Variants in ABLIM1 observed in about 807,000 individuals in gnomAD.
ABLIM1 encodes actin binding LIM protein 1, also known as actin-binding LIM protein 1.
Under a neutral mutation model 107.0 loss-of-function variants are expected in ABLIM1, and 40 were observed. The observed-to-expected ratio is 0.37, with a 90% CI of 0.29 to 0.49. The LOEUF (loss-of-function observed/expected upper bound fraction) is 0.49, where lower values mean the gene tolerates loss of function less well. Among genes scored for constraint, ABLIM1 ranks in the 20% least tolerant of loss-of-function variants. The pLI is 0.97. For missense variants in ABLIM1, 857 were observed against 1,008.5 expected (o/e 0.85, Z 2.04); for synonymous variants, 357 against 357.3 (o/e 1.00, Z 0.01).
intron 1 of ABLIM1, among the ~76,000 whole-genome samples, chr10:114,623,633 C>G (rs2077607490): frequency 6.6e-6 from 1 of 152,188 alleles, no homozygotes; most frequent in African/African-American, 2.4e-5. Flanking sequence ...TCAAGAACAT[C>G]AACATTATCT....
chr10:114,545,777 A>C (rs2067246069), intron 5 of ABLIM1, among the ~76,000 whole-genome samples: 1 of 151,712 alleles, frequency 6.6e-6, no homozygotes, highest in Non-Finnish European at 1.5e-5. Context: ...AAAAAATACA[A>C]AAATTAGCCA....
At chr10:114,544,780 C>T (rs2067108115) in intron 6 of ABLIM1, among the ~76,000 whole-genome samples, 1 of 152,136 alleles carries the variant, frequency 6.6e-6, no homozygotes, top group Non-Finnish European at 1.5e-5. Context: ...GAACCTTTAT[C>T]ATTCTTTTTT....
intron 7 of ABLIM1, among the ~76,000 whole-genome samples, chr10:114,489,297 G>C (rs955448459): frequency 6.6e-6 from 1 of 152,108 alleles, no homozygotes; most frequent in Non-Finnish European, 1.5e-5. Flanking sequence ...GATTACAGGC[G>C]TGAGCCACCA....
chr10:114,612,851 A>C (rs544589388), intron 1 of ABLIM1, among the ~76,000 whole-genome samples: 226 of 152,364 alleles, frequency 1.5e-3, no homozygotes, highest in African/African-American at 5.2e-3. Flanking sequence ...GTCTATTGTC[A>C]CATGGCCTAG....
chr10:114,654,763 G>A (rs1446877989), intron 1 of ABLIM1, among the ~76,000 whole-genome samples: 2 of 152,196 alleles, frequency 1.3e-5, no homozygotes, highest in Non-Finnish European at 2.9e-5. Flanking sequence ...TGGGGAATCT[G>A]AGCCTCCTCT....
chr10:114,752,813 A>C (rs1393226904), intron 1 of ABLIM1, among the ~76,000 whole-genome samples: 1 of 152,118 alleles, frequency 6.6e-6, no homozygotes, highest in Non-Finnish European at 1.5e-5. Flanking sequence ...GTGTATATGT[A>C]CCACATTGTC....
rs2081863924 is a variant in ABLIM1, at chr10:114,722,243, TACA to T, written c.-213+45815_-213+45817del. Among the ~76,000 whole-genome samples the T allele has an allele frequency of 2.6e-5, 4 of 152,248 alleles. No individual in the cohort carries two copies. The South Asian group carries it at 6.2e-4, about 24-fold the overall frequency. ...ATGGCTGGGGAGGCCTCAGGAAACT[TACA>T]ATTATGGTGGAAGGCAAAGGGGAAG... On this transcript the variant is annotated intron_variant, in intron 1 of 15. Transcript: ENST00000651092.
At chr10:114,445,894 T>C (rs1030169791) in intron 15 of ABLIM1, among the ~76,000 whole-genome samples, 6 of 152,184 alleles carry the variant, frequency 3.9e-5, no homozygotes, top group Non-Finnish European at 8.8e-5. Flanking sequence ...CTCACCCACC[T>C]GGGTAGCTGC....
chr10:114,527,397 ATT>A (rs2064935008), intron 6 of ABLIM1, among the ~76,000 whole-genome samples: 2 of 152,200 alleles, frequency 1.3e-5, no homozygotes, highest in South Asian at 4.1e-4. Flanking sequence ...TTTTTGGTAC[ATT>A]TTGTATTGTG....
In ABLIM1 at chr10:114,473,119, T is replaced by C; in HGVS notation, c.1133A>G (p.Asn378Ser). Residue 378 changes from asparagine (N) to serine (S), a missense_variant, in exon 10 of 23, where the codon AAT becomes AGT. This residue lies in a region of ABLIM1 where 381 missense variants were observed against 506.9 expected (regional missense o/e 0.75). Transcript: ENST00000533213. Reference protein sequence around the residue: ...PGHTIYAKVDNEILDYKDLAA... With the variant: ...PGHTIYAKVDSEILDYKDLAA... ...TAAATCCTTGTAATCCAGGATCTCA[T>C]TGTCTACTTTTGCCTGGCAAAGTTA... The C allele has an allele frequency of 2.5e-6, 4 of 1,608,898 alleles. No homozygotes were observed. The highest frequency in any genetic ancestry group is 1.3e-5 in the African/African-American group (1 of 74,914).
chr10:114,759,772 A>C (rs780618448), intron 1 of ABLIM1, among the ~76,000 whole-genome samples: 7 of 152,178 alleles, frequency 4.6e-5, no homozygotes, highest in Non-Finnish European at 8.8e-5. Context: ...CGACACCATA[A>C]GGCATGCTGG....
chr10:114,605,933 TGTCTATTAACGATCTCAG>T (rs1224250860), intron 1 of ABLIM1, among the ~76,000 whole-genome samples: 3 of 152,268 alleles, frequency 2.0e-5, no homozygotes, highest in Non-Finnish European at 4.4e-5. Flanking sequence ...ACTTTTGGAA[TGTCTATTAACGATCTCAG>T]GCAATGAGAC....
rs2081542626 is a variant in ABLIM1 at position 114,711,265 on chromosome 10, G to T, written c.-213+56796C>A. On this transcript the variant is annotated intron_variant, in intron 1 of 15. Transcript: ENST00000651092. ...TTTGCATCATTTTCTTTTGCCATTT[G>T]TCTGCAGTCATCCCACTTCAACTTA... Among the ~76,000 whole-genome samples, 8 of 152,120 alleles carry T rather than the reference G, an allele frequency of 5.3e-5. No individual in the cohort carries two copies. The South Asian group carries it at 1.5e-3, about 28-fold the overall frequency.
Position 114,483,059 on chromosome 10 carries a change from G to A in ABLIM1, c.1041+4899C>T, listed in dbSNP as rs142140638. On this transcript the variant is annotated intron_variant, in intron 8 of 22. Coordinates refer to ENST00000533213, the MANE Select transcript of ABLIM1 (RefSeq NM_002313.7). ...TCTTTGGCTGTTCCTCTGGATTCAT[G>A]TGACTTTGACTTCACCGTGTGTGGA... 4.1e-3 allele frequency among the ~76,000 whole-genome samples: 629 copies of A among 152,324 alleles called. 5 individuals are homozygous for A. The highest frequency in any genetic ancestry group is 0.014 in the African/African-American group (602 of 41,568).
intron 1 of ABLIM1, among the ~76,000 whole-genome samples, chr10:114,766,847 CT>C (rs763648908): frequency 6.6e-6 from 1 of 152,194 alleles, no homozygotes; most frequent in Non-Finnish European, 1.5e-5. Context: ...GTTCCATGCT[CT>C]TTTTTCGTTC....
intron 1 of ABLIM1, among the ~76,000 whole-genome samples, chr10:114,720,760 T>G (rs1397288753): frequency 6.6e-6 from 1 of 151,922 alleles, no homozygotes; most frequent in Non-Finnish European, 1.5e-5. Context: ...AAAAACAATC[T>G]TAAAGAAGAC....
rs1248997285 is a variant in ABLIM1 at position 114,439,204 on chromosome 10, A to G, written c.2114T>C (p.Val705Ala). ...TGGTTCCAACATGTTGGGCATAGAC[A>G]CTCCTCGGTCCATTCTCATTGCAGG... Reference protein sequence around the residue: ...HMPAMRMDRGVSMPNMLEPKI... With the variant: ...HMPAMRMDRGASMPNMLEPKI... The change falls in exon 21 of 23, where the codon GTG (valine) becomes GCG (alanine). Residue 705 changes from valine (V) to alanine (A), a missense_variant. Physicochemically the swap from Val to Ala is moderately conservative, Grantham distance 64 (BLOSUM62 0). Around this residue, in one of 5 missense-constraint regions of ABLIM1, gnomAD observed 193 missense variants for 208.5 expected, o/e 0.93. Coordinates refer to ENST00000533213, the MANE Select transcript of ABLIM1 (RefSeq NM_002313.7). The G allele has an allele frequency of 7.4e-6, 12 of 1,614,018 alleles. No individual in the cohort carries two copies. Among genetic ancestry groups the G allele is most frequent in the Non-Finnish European group, 1.0e-5 (12 of 1,180,004 alleles).
intron 1 of ABLIM1, among the ~76,000 whole-genome samples, chr10:114,675,365 T>C (rs1040079523): frequency 3.3e-5 from 5 of 152,178 alleles, no homozygotes; most frequent in Non-Finnish European, 2.9e-5. Flanking sequence ...GTCTTTTCCA[T>C]GCTATTCTTG....
intron 1 of ABLIM1, among the ~76,000 whole-genome samples, chr10:114,603,612 G>A (rs2076193149): frequency 6.6e-6 from 1 of 150,530 alleles, no homozygotes; most frequent in Admixed American, 6.6e-5. Flanking sequence ...GTGTATGAAG[G>A]CCAAAAAACC....
Sources: gnomAD v4.1 joint callset for allele counts (sites outside exome capture counted in the v4.1 genomes callset) on GRCh38, gnomAD v4.1.1 for gene constraint, gnomAD v4.1.1 regional missense constraint, MANE v1.5 for transcripts, NCBI Gene and HGNC (gene_info 2026-07-23, HGNC 2026-07-21) for gene names.